Variants in PGM1 observed in about 807,000 individuals in gnomAD.
The protein encoded by PGM1 is phosphoglucomutase 1.
In PGM1, 52 loss-of-function variants were observed where a neutral mutation model predicts 55.6. The observed-to-expected ratio is 0.94, with a 90% CI of 0.75 to 1.18. The LOEUF (loss-of-function observed/expected upper bound fraction) is 1.18, where lower values mean the gene tolerates loss of function less well. Among genes scored for constraint, PGM1 ranks in the 50% most tolerant of loss-of-function variants. PGM1 has a pLI of 0.00. For missense variants in PGM1, 724 were observed against 729.3 expected (o/e 0.99, Z 0.08); for synonymous variants, 287 against 271.7 (o/e 1.06, Z -0.55).
chr1:63,613,404 A>G (rs1236570169), intron 1 of PGM1, among the ~76,000 whole-genome samples: 1 of 151,978 alleles, frequency 6.6e-6, no homozygotes, highest in African/African-American at 2.4e-5. Context: ...TGACAGCAGG[A>G]CCATGCTCCC....
intron 5 of PGM1, among the ~76,000 whole-genome samples, 157 bp from the exon 6 acceptor site, chr1:63,636,077 C>T (rs961677221): frequency 1.3e-5 from 2 of 152,156 alleles, no homozygotes; most frequent in African/African-American, 4.8e-5. Context: ...ACTGTATAAA[C>T]TCATTGAAAA....
intron 7 of PGM1, among the ~76,000 whole-genome samples, chr1:63,646,830 G>T (rs993493470): frequency 2.0e-5 from 3 of 152,120 alleles, no homozygotes; most frequent in Non-Finnish European, 4.4e-5. Flanking sequence ...GTGTCTATGT[G>T]TATTGTTTGG....
intron 1 of PGM1, among the ~76,000 whole-genome samples, chr1:63,613,703 C>CT (rs56355869): frequency 0.12 from 14,289 of 121,502 alleles, 1,096 homozygotes; most frequent in East Asian, 0.23. Context: ...TTCAATGTAT[C>CT]TTTTTTTTTT....
At chr1:63,614,831 A>G (rs1570480859) in intron 1 of PGM1, among the ~76,000 whole-genome samples, 1 of 152,228 alleles carries the variant, frequency 6.6e-6, no homozygotes, top group East Asian at 1.9e-4. Flanking sequence ...TGAAGATTAA[A>G]TAAGTTAATG....
At chr1:63,646,092 C>T (rs1005468665) in intron 7 of PGM1, among the ~76,000 whole-genome samples, 1 of 152,090 alleles carries the variant, frequency 6.6e-6, no homozygotes, top group African/African-American at 2.4e-5. Flanking sequence ...GACATTTGAG[C>T]TGGGTCTGAA....
chr1:63,647,681 A>T (rs910221994), intron 7 of PGM1, among the ~76,000 whole-genome samples: 1 of 152,150 alleles, frequency 6.6e-6, no homozygotes. Context: ...ACGCCATTTA[A>T]AAAGTAATCT....
intron 1 of PGM1, chr1:63,600,208 A>C (rs755580482): frequency 2.6e-5 from 4 of 152,190 alleles, no homozygotes; most frequent in Non-Finnish European, 4.4e-5. Flanking sequence ...TTGTTACATA[A>C]AATACTTAAA....
intron 10 of PGM1, among the ~76,000 whole-genome samples, chr1:63,659,247 A>G (rs1231437719): frequency 6.6e-6 from 1 of 152,238 alleles, no homozygotes; most frequent in Non-Finnish European, 1.5e-5. Context: ...GCAAGACTTA[A>G]CAGCAGGAGA....
Position 63,634,746 on chromosome 1 carries a change from A to T in PGM1, c.683-83A>T. 3 of 1,154,104 alleles carry T rather than the reference A, an allele frequency of 2.6e-6. No homozygotes were observed. The South Asian group carries it at 3.7e-5, about 14-fold the overall frequency. 71.5% of individuals were successfully genotyped at this position (1,154,104 alleles called of 1,614,324 possible). A position where few individuals can be genotyped will look rare whatever the true frequency, so the allele number is the denominator to read the frequency against. ...CATGCCATTCTTCTCCCCAGAATGC[A>T]TCCACCTCACCCCTGAATCCTCACA... On this transcript the variant is annotated intron_variant, in intron 4 of 10. Coordinates refer to ENST00000371084, the MANE Select transcript of PGM1 (RefSeq NM_002633.3).
intron 9 of PGM1, 65 bp downstream of exon 9, chr1:63,651,917 G>A (rs1373567130): frequency 1.4e-6 from 2 of 1,468,838 alleles, no homozygotes; most frequent in Non-Finnish European, 1.9e-6. Flanking sequence ...CATCTCAAGG[G>A]AAAAATTAAA....
At chr1:63,651,615 C>G (rs546908974) in intron 8 of PGM1, 54 bp from the exon 9 acceptor site, 4 of 1,514,990 alleles carry the variant, frequency 2.6e-6, no homozygotes, top group Non-Finnish European at 3.7e-6. Flanking sequence ...GACTGATAGG[C>G]CTTGGTGTGA....
In PGM1 at chr1:63,634,904, C is replaced by T; in HGVS notation, c.758C>T (p.Pro253Leu). The change falls in exon 5 of 11, where the codon CCT becomes CTT. Residue 253 changes from proline to leucine, a missense_variant. By Grantham distance (98) the Pro-to-Leu change is moderately conservative. Around this residue, in one of 3 missense-constraint regions of PGM1, gnomAD observed 379 missense variants for 357.5 expected, o/e 1.06. Transcript: ENST00000371084. Reference protein sequence around the residue: ...APANSAVNCVPLEDFGGHHPD... With the variant: ...APANSAVNCVLLEDFGGHHPD... ...GCGAACTCGGCAGTTAACTGCGTTC[C>T]TCTGGAGGACTTTGGAGGCCACCAC... 2 of 1,613,798 alleles carry T rather than the reference C, an allele frequency of 1.2e-6. No individual in the cohort carries two copies. The highest frequency in any genetic ancestry group is 1.7e-6 in the Non-Finnish European group (2 of 1,179,932).
intron 1 of PGM1, among the ~76,000 whole-genome samples, chr1:63,622,793 T>G (rs922594933): frequency 1.3e-5 from 2 of 152,246 alleles, no homozygotes; most frequent in Non-Finnish European, 2.9e-5. Flanking sequence ...CCTGATAGAT[T>G]GCATGTGTGA....
At chr1:63,642,111 A>C (rs1324724953) in intron 7 of PGM1, among the ~76,000 whole-genome samples, 1 of 152,196 alleles carries the variant, frequency 6.6e-6, no homozygotes, top group Admixed American at 6.5e-5. Flanking sequence ...TGGGAACCCC[A>C]GGGTCTTTGC....
chr1:63,636,017 T>C (rs947155289), intron 5 of PGM1, among the ~76,000 whole-genome samples: 20 of 152,242 alleles, frequency 1.3e-4, no homozygotes, highest in Non-Finnish European at 2.5e-4. Flanking sequence ...TGGACTTTAA[T>C]TGAAAACAGT....
At chr1:63,607,615 G>A (rs893100993) in intron 1 of PGM1, among the ~76,000 whole-genome samples, 1 of 152,100 alleles carries the variant, frequency 6.6e-6, no homozygotes, top group African/African-American at 2.4e-5. Flanking sequence ...AAAAGGAGGC[G>A]ACATTTCTCC....
In PGM1 at chr1:63,599,848, C is replaced by T. The variant is rs369683840; in HGVS notation, c.246+6114C>T. 2.6e-5 allele frequency: 4 copies of T among 152,148 alleles called. No homozygotes were observed. The East Asian group carries it at 5.8e-4, about 22-fold the overall frequency. The allele number at this position is 152,148 out of a possible 1,614,324, so 9.4% of individuals were successfully genotyped here. Reference sequence around the variant, plus strand: ...ATGGTGGGCTTTGAACAATTGTTCTCCCCTTGTTTACACTTTCTGATTTTG... The same window carrying T: ...ATGGTGGGCTTTGAACAATTGTTCTTCCCTTGTTTACACTTTCTGATTTTG... On this transcript the variant is annotated intron_variant, in intron 1 of 10. Transcript: ENST00000371084.
At chr1:63,657,505 G>A (rs1299065972) in intron 10 of PGM1, among the ~76,000 whole-genome samples, 1 of 152,172 alleles carries the variant, frequency 6.6e-6, no homozygotes, top group African/African-American at 2.4e-5. Flanking sequence ...GTAACATAAT[G>A]CTATTATAAC....
rs1160488274 is a variant in PGM1, at chr1:63,659,426, G to T, written c.1600-160G>T. Among the ~76,000 whole-genome samples, 3 of 152,142 alleles carry T rather than the reference G, an allele frequency of 2.0e-5. No homozygotes were observed. In the East Asian group the frequency reaches 5.8e-4, roughly 29 times the overall value. On this transcript the variant is annotated intron_variant, in intron 10 of 10. Transcript: ENST00000371084. The stretch of plus-strand genomic sequence containing the variant: ...TGATCCACTGAAATAGAAACTGCTG[G>T]AACTAGGTATTGGGGGAAATAACAT...
Sources: gnomAD v4.1 joint callset for allele counts (sites outside exome capture counted in the v4.1 genomes callset) on GRCh38, gnomAD v4.1.1 for gene constraint, gnomAD v4.1.1 regional missense constraint, MANE v1.5 for transcripts, NCBI Gene and HGNC (gene_info 2026-07-23, HGNC 2026-07-21) for gene names.